The following QKI variants were observed in gnomAD, a reference collection of about 807,000 sequenced individuals.
The protein encoded by QKI is KH domain-containing RNA-binding protein QKI.
In QKI, 10 loss-of-function variants were observed where a neutral mutation model predicts 39.0. The ratio of observed to expected loss-of-function variants is 0.26; its 90% confidence interval spans 0.16 to 0.43. QKI has a LOEUF of 0.43. Among genes scored for constraint, QKI ranks in the 20% least tolerant of loss-of-function variants. The pLI is 1.00. For missense variants in QKI, 218 were observed against 428.0 expected (o/e 0.51, Z 4.33); for synonymous variants, 204 against 155.4 (o/e 1.31, Z -2.33).
chr6:163,450,359 A>G (rs528440981), intron 1 of QKI, among the ~76,000 whole-genome samples: 2 of 152,314 alleles, frequency 1.3e-5, no homozygotes, highest in South Asian at 2.1e-4. Flanking sequence ...CAACCGGCCC[A>G]GTAATTCAGA....
chr6:163,509,148 TC>T (rs1227230000), intron 3 of QKI, among the ~76,000 whole-genome samples: 1 of 149,556 alleles, frequency 6.7e-6, no homozygotes, highest in Non-Finnish European at 1.5e-5. Flanking sequence ...AGTCAGTCAG[TC>T]AATCAGTCAG....
At chr6:163,490,108 A>G (rs1262183767) in intron 3 of QKI, among the ~76,000 whole-genome samples, 3 of 152,194 alleles carry the variant, frequency 2.0e-5, no homozygotes, top group Non-Finnish European at 2.9e-5. Flanking sequence ...AGAATTCGCT[A>G]TGAAAACAGA....
At chr6:163,495,643 C>A (rs1009852222) in intron 3 of QKI, among the ~76,000 whole-genome samples, 14 of 152,154 alleles carry the variant, frequency 9.2e-5, no homozygotes, top group African/African-American at 3.4e-4. Flanking sequence ...TAAGTTCTTT[C>A]TGATTCAGAA....
In QKI at chr6:163,529,470, A is replaced by G. The variant is rs916903722; in HGVS notation, c.403-5512A>G. Among the ~76,000 whole-genome samples the G allele has an allele frequency of 3.3e-5, 5 of 152,202 alleles. No individual in the cohort carries two copies. The South Asian group carries it at 1.0e-3, about 31-fold the overall frequency. ...ATGATTCTGATATTCAACTTGGAGC[A>G]AACTTTCTAATAGCTAGAAAAAGAC... On this transcript the variant is annotated intron_variant, in intron 3 of 7. Transcript: ENST00000361752.
rs148490395 is a variant in QKI at position 163,558,864 on chromosome 6, G to A, written c.547-3118G>A. Among the ~76,000 whole-genome samples, 866 of 152,212 alleles carry A rather than the reference G, an allele frequency of 5.7e-3. 11 individuals are homozygous for A. Among genetic ancestry groups the A allele is most frequent in the African/African-American group, 0.019 (805 of 41,524 alleles). The stretch of plus-strand genomic sequence containing the variant: ...CTGTGCATTTCTGGGAGGCATTAGT[G>A]TACCCTGCCAAAATGTGGCTGTGAT... On this transcript the variant is annotated intron_variant, in intron 4 of 7. Coordinates refer to ENST00000361752, the MANE Select transcript of QKI (RefSeq NM_006775.3).
At chr6:163,545,124 G>A (rs1002187401) in intron 4 of QKI, among the ~76,000 whole-genome samples, 1 of 152,110 alleles carries the variant, frequency 6.6e-6, no homozygotes, top group African/African-American at 2.4e-5. Context: ...TGTGTGCTGT[G>A]TGTAAGGTAC....
Position 163,573,686 on chromosome 6 carries a change from A to C in QKI, c.*2976A>C, listed in dbSNP as rs913492407. The C allele has an allele frequency of 1.3e-5, 2 of 152,170 alleles. No individual in the cohort carries two copies. Among genetic ancestry groups the C allele is most frequent in the African/African-American group, 4.8e-5 (2 of 41,432 alleles). 9.4% of individuals were successfully genotyped at this position (152,170 alleles called of 1,614,324 possible). On this transcript the variant is annotated 3_prime_UTR_variant, in exon 8 of 8. Transcript: ENST00000361752. ...TAGCTAATGAATGAATACATTAGAC[A>C]CTTTTGGGTTTTAGTTGGGATTTTA...
At chr6:163,566,095 C>T (rs1783347230) in intron 6 of QKI, 1 of 1,505,852 alleles carries the variant, frequency 6.6e-7, no homozygotes. Context: ...ACTTTTTGCA[C>T]ATAGATATAA....
chr6:163,545,128 A>C (rs1340053835), intron 4 of QKI, among the ~76,000 whole-genome samples: 5 of 152,130 alleles, frequency 3.3e-5, no homozygotes, highest in Admixed American at 3.3e-4. Context: ...TGCTGTGTGT[A>C]AGGTACTCTC....
chr6:163,550,134 A>T (rs1782134863), intron 4 of QKI, among the ~76,000 whole-genome samples: 1 of 152,174 alleles, frequency 6.6e-6, no homozygotes, highest in Non-Finnish European at 1.5e-5. Flanking sequence ...AAGAAAAGGA[A>T]TTTATTTCTT....
At chr6:163,502,265 A>G (rs1191313544) in intron 3 of QKI, among the ~76,000 whole-genome samples, 6 of 152,054 alleles carry the variant, frequency 3.9e-5, no homozygotes, top group East Asian at 3.9e-4. Context: ...GGAGATAGCA[A>G]TGAGCTGAGA....
At chr6:163,504,331 T>C (rs1310658636) in intron 3 of QKI, among the ~76,000 whole-genome samples, 1 of 152,172 alleles carries the variant, frequency 6.6e-6, no homozygotes, top group African/African-American at 2.4e-5. Context: ...GGATTGCTTT[T>C]CCTATTTGGG....
At chr6:163,532,397 T>C (rs951525551) in intron 3 of QKI, among the ~76,000 whole-genome samples, 41 of 152,226 alleles carry the variant, frequency 2.7e-4, no homozygotes, top group Admixed American at 2.6e-3. Flanking sequence ...TTTTTCTTGC[T>C]GCTTTGCATG....
In QKI at chr6:163,457,000, G is replaced by A. The variant is rs147253863; in HGVS notation, c.285+1579G>A. Reference sequence around the variant, plus strand: ...AGGTTATCTACCATTACCTAGACAGGACCACTGTGAGCCTACCCTAGGTAT... The same window carrying A: ...AGGTTATCTACCATTACCTAGACAGAACCACTGTGAGCCTACCCTAGGTAT... On this transcript the variant is annotated intron_variant, in intron 2 of 7. Coordinates refer to ENST00000361752, the MANE Select transcript of QKI (RefSeq NM_006775.3). Among the ~76,000 whole-genome samples the A allele has an allele frequency of 3.4e-4, 52 of 152,238 alleles. No homozygotes were observed. In the East Asian group the frequency reaches 7.7e-3, roughly 23 times the overall value.
At chr6:163,428,850 T>C (rs1189254347) in intron 1 of QKI, 1 of 152,148 alleles carries the variant, frequency 6.6e-6, no homozygotes, top group African/African-American at 2.4e-5. Context: ...TGTTTCTATA[T>C]AGAGAACCAA....
intron 4 of QKI, among the ~76,000 whole-genome samples, chr6:163,554,822 C>A (rs770923748): frequency 6.6e-6 from 1 of 152,256 alleles, no homozygotes; most frequent in Non-Finnish European, 1.5e-5. Flanking sequence ...TTCATCCTCT[C>A]TGTTGCCTGG....
At chr6:163,481,729 T>A (rs1793090707) in intron 3 of QKI, among the ~76,000 whole-genome samples, 1 of 152,210 alleles carries the variant, frequency 6.6e-6, no homozygotes, top group South Asian at 2.1e-4. Context: ...ATTGATTTAG[T>A]GCATAAATAC....
At position 163,575,141 on chromosome 6, in the gene QKI, C is replaced by G. The variant is rs892140982; in HGVS notation, c.*4431C>G. ...CTACTATTTGTAAAAGTTTCCGTTGCCATAACAGTTCATGTAGTAGTCTGT... is the reference window on the plus strand; with the variant it reads ...CTACTATTTGTAAAAGTTTCCGTTGGCATAACAGTTCATGTAGTAGTCTGT... On this transcript the variant is annotated 3_prime_UTR_variant, in exon 8 of 8. Coordinates refer to ENST00000361752, the MANE Select transcript of QKI (RefSeq NM_006775.3). 1 of 152,064 alleles carries G rather than the reference C, an allele frequency of 6.6e-6. No homozygotes were observed. The highest frequency in any genetic ancestry group is 2.4e-5 in the African/African-American group (1 of 41,392). The allele number at this position is 152,064 out of a possible 1,614,324, so 9.4% of individuals were successfully genotyped here.
At chr6:163,487,612 C>A (rs1254534033) in intron 3 of QKI, among the ~76,000 whole-genome samples, 1 of 151,706 alleles carries the variant, frequency 6.6e-6, no homozygotes, top group East Asian at 1.9e-4. Flanking sequence ...ATTTCTCTTT[C>A]TTGGCTTCAC....
Sources: gnomAD v4.1 joint callset for allele counts (sites outside exome capture counted in the v4.1 genomes callset) on GRCh38, gnomAD v4.1.1 for gene constraint, MANE v1.5 for transcripts, NCBI Gene and HGNC (gene_info 2026-07-23, HGNC 2026-07-21) for gene names.